STK4: variants seen among roughly 807,000 people sequenced by gnomAD.
STK4 encodes the protein serine/threonine-protein kinase 4.
In STK4, 30 loss-of-function variants were observed where a neutral mutation model predicts 64.9. The ratio of observed to expected loss-of-function variants is 0.46; its 90% CI spans 0.35 to 0.63. The LOEUF (loss-of-function observed/expected upper bound fraction) is 0.63. Among genes scored for constraint, STK4 ranks in the 20% least tolerant of loss-of-function variants. The pLI, the probability that STK4 is intolerant of heterozygous loss-of-function variation, is 0.01. For missense variants in STK4, 466 were observed against 598.5 expected (o/e 0.78, Z 2.31); for synonymous variants, 177 against 199.0 (o/e 0.89, Z 0.93).
chr20:45,074,828 C>A (rs1308405451), intron 10 of STK4, among the ~76,000 whole-genome samples, 190 bp from the exon 11 acceptor site: 1 of 152,148 alleles, frequency 6.6e-6, no homozygotes, highest in African/African-American at 2.4e-5. Context: ...TTATCTCAGA[C>A]AAGCTTCAAG....
rs755925460 is a variant in STK4, at chr20:45,025,124, C to T, written c.1299C>T (p.Tyr433=). 9 of 1,608,186 alleles carry T rather than the reference C, an allele frequency of 5.6e-6. No homozygotes were observed. In the East Asian group the frequency reaches 1.1e-4, roughly 20 times the overall value. The change falls in exon 10 of 11, where the codon TAC becomes TAT. Residue 433 remains tyrosine, a synonymous_variant. Transcript: ENST00000372806. ...GGAAAATACCACAGGATGGAGACTA[C>T]GAGTTTGTAAGTAGTGTTGGAAGTA... ...SDWKIPQDGD[Y]EFLKSWTVED... is the part of the protein sequence containing the mutation.
chr20:45,058,728 G>C (rs1413562786), intron 10 of STK4, among the ~76,000 whole-genome samples: 1 of 152,068 alleles, frequency 6.6e-6, no homozygotes, highest in East Asian at 1.9e-4. Context: ...CTCTTTTCCT[G>C]AATTATTAAG....
intron 10 of STK4, among the ~76,000 whole-genome samples, chr20:45,044,352 T>G (rs916954112): frequency 3.3e-5 from 5 of 152,106 alleles, no homozygotes; most frequent in African/African-American, 4.8e-5. Context: ...CCAGGCCGGG[T>G]GAATGATAAA....
chr20:44,980,637 GAA>G (rs1261710124), intron 3 of STK4, among the ~76,000 whole-genome samples: 1 of 152,154 alleles, frequency 6.6e-6, no homozygotes, highest in Non-Finnish European at 1.5e-5. Context: ...GAAAAGAAAA[GAA>G]AATCACTTTT....
chr20:45,001,075 G>T lies in STK4; in HGVS notation c.961-92G>T, dbSNP rs371585212. 21 of 1,376,792 alleles carry T rather than the reference G, an allele frequency of 1.5e-5. No individual in the cohort carries two copies. In the Admixed American group the frequency reaches 4.9e-4, roughly 32 times the overall value. 85.3% of individuals were successfully genotyped at this position (1,376,792 alleles called of 1,614,324 possible). ...AGGACCTGAATAAGTGTTAAATCTC[G>T]AAATATTTTCACTAAGACAGGTAGT... On this transcript the variant is annotated intron_variant, in intron 8 of 10. Transcript: ENST00000372806.
intron 6 of STK4, among the ~76,000 whole-genome samples, chr20:44,996,317 C>A (rs2067729304): frequency 6.6e-6 from 1 of 151,970 alleles, no homozygotes; most frequent in African/African-American, 2.4e-5. Flanking sequence ...TTCATCACAG[C>A]ACTGTTGTAA....
chr20:45,068,617 A>G (rs1004264279), intron 10 of STK4, among the ~76,000 whole-genome samples: 5 of 152,038 alleles, frequency 3.3e-5, no homozygotes, highest in African/African-American at 1.2e-4. Context: ...AGTCTTCCAC[A>G]TTTTTCACAA....
intron 9 of STK4, among the ~76,000 whole-genome samples, chr20:45,018,446 C>G (rs1468880435): frequency 6.6e-6 from 1 of 152,070 alleles, no homozygotes; most frequent in African/African-American, 2.4e-5. Flanking sequence ...GATGGTCATT[C>G]CAATGGAACA....
chr20:45,006,860 C>G (rs2067955548), intron 9 of STK4, among the ~76,000 whole-genome samples: 1 of 152,098 alleles, frequency 6.6e-6, no homozygotes, highest in African/African-American at 2.4e-5. Context: ...TTCTGGCTTC[C>G]CCTTTAACAG....
chr20:45,068,181 A>G (rs1017514495), intron 10 of STK4, among the ~76,000 whole-genome samples: 1 of 152,212 alleles, frequency 6.6e-6, no homozygotes, highest in Admixed American at 6.5e-5. Flanking sequence ...GATTTATGCA[A>G]AGGCATCCAA....
intron 10 of STK4, among the ~76,000 whole-genome samples, chr20:45,074,471 A>G (rs889330697): frequency 1.3e-5 from 2 of 152,132 alleles, no homozygotes; most frequent in Non-Finnish European, 2.9e-5. Flanking sequence ...AGTAGCCTCA[A>G]GTAAATGCTG....
intron 9 of STK4, among the ~76,000 whole-genome samples, chr20:45,012,244 C>G (rs1263804847): frequency 2.6e-5 from 4 of 152,056 alleles, no homozygotes; most frequent in Non-Finnish European, 5.9e-5. Flanking sequence ...CTGTTTTGGC[C>G]AGGATGGTCT....
chr20:45,015,311 G>A (rs376522848), intron 9 of STK4, among the ~76,000 whole-genome samples: 31 of 152,154 alleles, frequency 2.0e-4, no homozygotes, highest in African/African-American at 7.0e-4. Flanking sequence ...AGTTTGAAAG[G>A]GGTTGTTAGA....
Position 45,063,043 on chromosome 20 carries a change from A to G in STK4, c.1306-11975A>G, listed in dbSNP as rs185665371. Reference sequence around the variant, plus strand: ...TTGGACACAGGGTCTTGCCTGTGTCACTCAGGCTGGAGTGCGGTGGTGTGA... The same window carrying G: ...TTGGACACAGGGTCTTGCCTGTGTCGCTCAGGCTGGAGTGCGGTGGTGTGA... On this transcript the variant is annotated intron_variant, in intron 10 of 10. Coordinates refer to ENST00000372806, the MANE Select transcript of STK4 (RefSeq NM_006282.5). Among the ~76,000 whole-genome samples the G allele has an allele frequency of 1.6e-3, 161 of 98,846 alleles. 2 individuals carry two copies. In the East Asian group the frequency reaches 0.042, roughly 26 times the overall value. The allele number at this position is 98,846 out of a possible 152,430, so 64.8% of individuals were successfully genotyped here.
intron 9 of STK4, among the ~76,000 whole-genome samples, chr20:45,007,280 C>T (rs1356100023): frequency 6.6e-6 from 1 of 152,124 alleles, no homozygotes; most frequent in Non-Finnish European, 1.5e-5. Flanking sequence ...TGGCTGGACG[C>T]AGTAGCTCAC....
rs371276083 is a variant in STK4, at chr20:45,008,193, T to C, written c.1147+6840T>C. Among the ~76,000 whole-genome samples the C allele has an allele frequency of 5.3e-5, 8 of 152,306 alleles. 1 individual carries two copies. Among genetic ancestry groups the C allele is most frequent in the East Asian group, 1.9e-4 (1 of 5,186 alleles). ...CCTCAGCCTCCTGAGTAGCTGGGAT[T>C]ACAGGCATGTACCACCACACCAGGC... On this transcript the variant is annotated intron_variant, in intron 9 of 10. Coordinates refer to ENST00000372806, the MANE Select transcript of STK4 (RefSeq NM_006282.5).
intron 2 of STK4, chr20:44,974,398 A>G (rs2067302663): frequency 2.6e-5 from 4 of 152,176 alleles, no homozygotes; most frequent in Admixed American, 2.0e-4. Flanking sequence ...GAATGAACCT[A>G]AGCAAGCCTC....
chr20:45,028,867 C>T (rs546813782), intron 10 of STK4, among the ~76,000 whole-genome samples: 10 of 152,238 alleles, frequency 6.6e-5, no homozygotes, highest in South Asian at 4.1e-4. Context: ...GCTACTTATA[C>T]GGAGGAGCTT....
chr20:45,058,082 CA>C (rs1978651592), intron 10 of STK4, among the ~76,000 whole-genome samples: 2 of 151,604 alleles, frequency 1.3e-5, no homozygotes, highest in Non-Finnish European at 2.9e-5. Flanking sequence ...CACACACACA[CA>C]CACACCCCTA....
Sources: gnomAD v4.1 joint callset for allele counts (sites outside exome capture counted in the v4.1 genomes callset) on GRCh38, gnomAD v4.1.1 for gene constraint, MANE v1.5 for transcripts, NCBI Gene and HGNC (gene_info 2026-07-23, HGNC 2026-07-21) for gene names.